Variants in RCOR1 observed in about 807,000 individuals in gnomAD.
RCOR1 encodes the protein REST corepressor 1, also known as REST corepressor.
Under a neutral mutation model 64.0 loss-of-function variants are expected in RCOR1, and 12 were observed. The ratio of observed to expected loss-of-function variants is 0.19; its 90% CI spans 0.12 to 0.30. The LOEUF (loss-of-function observed/expected upper bound fraction) is 0.30. Ranked by LOEUF, RCOR1 falls within the 10% of genes least tolerant of loss-of-function variation. The probability of loss-of-function intolerance (pLI) is 1.00; values close to 1 mark genes in which losing one functional copy is unlikely to be tolerated. For synonymous variants in RCOR1, 279 were observed against 227.2 expected (o/e 1.23, Z -2.05); for missense variants, 502 against 621.2 (o/e 0.81, Z 2.04).
intron 3 of RCOR1, among the ~76,000 whole-genome samples, chr14:102,685,215 A>T (rs1398574364): frequency 6.6e-6 from 1 of 152,166 alleles, no homozygotes; most frequent in African/African-American, 2.4e-5. Flanking sequence ...AATGCATAAT[A>T]TATAATTGTT....
chr14:102,681,262 A>G (rs1275843491), intron 2 of RCOR1, among the ~76,000 whole-genome samples: 2 of 152,192 alleles, frequency 1.3e-5, no homozygotes, highest in African/African-American at 4.8e-5. Context: ...TCTGGGCCTA[A>G]CCAGTGTGAA....
intron 2 of RCOR1, among the ~76,000 whole-genome samples, chr14:102,675,432 T>A (rs1358096420): frequency 6.6e-6 from 1 of 152,180 alleles, no homozygotes; most frequent in Non-Finnish European, 1.5e-5. Context: ...TGAACAATTA[T>A]AACAATATGC....
In RCOR1 at chr14:102,674,505, A is replaced by G. The variant is rs564560582; in HGVS notation, c.362-7390A>G. On this transcript the variant is annotated intron_variant, in intron 2 of 11. Transcript: ENST00000262241. ...ATGCTGATTAGGAACCCAAAATTCA[A>G]TGTGAGTAGATCTGACCAGCAATTT... 4.6e-5 allele frequency among the ~76,000 whole-genome samples: 7 copies of G among 152,290 alleles called. No individual in the cohort carries two copies. In the South Asian group the frequency reaches 1.2e-3, roughly 27 times the overall value.
intron 3 of RCOR1, among the ~76,000 whole-genome samples, chr14:102,692,675 T>C (rs1056904068): frequency 1.3e-5 from 2 of 151,952 alleles, no homozygotes; most frequent in Admixed American, 1.3e-4. Flanking sequence ...CTGAATAATA[T>C]CACATCTTGT....
intron 2 of RCOR1, among the ~76,000 whole-genome samples, chr14:102,664,497 C>T (rs945839214): frequency 2.0e-5 from 3 of 152,162 alleles, no homozygotes; most frequent in Non-Finnish European, 2.9e-5. Flanking sequence ...AAATAACCTT[C>T]CCATGGGAAT....
chr14:102,634,125 T>A (rs1305644824), intron 2 of RCOR1, among the ~76,000 whole-genome samples: 1 of 152,098 alleles, frequency 6.6e-6, no homozygotes, highest in African/African-American at 2.4e-5. Context: ...TTGATACAAT[T>A]CTCTGTCTTG....
chr14:102,607,726 A>G (rs1893542448), intron 2 of RCOR1, among the ~76,000 whole-genome samples: 1 of 152,190 alleles, frequency 6.6e-6, no homozygotes, highest in African/African-American at 2.4e-5. Flanking sequence ...TACTAAAAGT[A>G]TAAAAATTAG....
chr14:102,603,672 G>A (rs1893448373), intron 2 of RCOR1, among the ~76,000 whole-genome samples: 1 of 151,920 alleles, frequency 6.6e-6, no homozygotes, highest in Non-Finnish European at 1.5e-5. Context: ...CCAGGCTGGA[G>A]TGCGGTGGCT....
intron 2 of RCOR1, among the ~76,000 whole-genome samples, chr14:102,661,068 C>T (rs1358950289): frequency 6.6e-6 from 1 of 152,140 alleles, no homozygotes; most frequent in Non-Finnish European, 1.5e-5. Flanking sequence ...AGTTATAGGC[C>T]AGGTGCCATG....
intron 4 of RCOR1, among the ~76,000 whole-genome samples, chr14:102,702,880 T>C (rs1391553328): frequency 1.3e-5 from 2 of 152,168 alleles, no homozygotes; most frequent in Non-Finnish European, 2.9e-5. Flanking sequence ...CAACAGAAAC[T>C]GTCCCTGGGA....
At chr14:102,617,812 A>C (rs1439390717) in intron 2 of RCOR1, among the ~76,000 whole-genome samples, 2 of 150,618 alleles carry the variant, frequency 1.3e-5, no homozygotes, top group Non-Finnish European at 3.0e-5. Flanking sequence ...CTGGTCTCGA[A>C]CTCCTGACCT....
chr14:102,715,229 C>T (rs1193357319), intron 8 of RCOR1, among the ~76,000 whole-genome samples: 1 of 151,882 alleles, frequency 6.6e-6, no homozygotes, highest in African/African-American at 2.4e-5. Flanking sequence ...CCACCACGCC[C>T]AGCTAATTGT....
chr14:102,651,973 T>G (rs1044674392), intron 2 of RCOR1, among the ~76,000 whole-genome samples: 2 of 152,244 alleles, frequency 1.3e-5, no homozygotes, highest in African/African-American at 4.8e-5. Context: ...GAACTTACAC[T>G]GGAGGATCTT....
At chr14:102,701,028 A>G (rs551615813) in intron 3 of RCOR1, among the ~76,000 whole-genome samples, 1 of 152,350 alleles carries the variant, frequency 6.6e-6, no homozygotes, top group South Asian at 2.1e-4. Context: ...TAAAACCATC[A>G]GATCTTGTGA....
chr14:102,618,222 C>G (rs1180269658), intron 2 of RCOR1, among the ~76,000 whole-genome samples: 1 of 152,024 alleles, frequency 6.6e-6, no homozygotes, highest in African/African-American at 2.4e-5. Context: ...TGGATCCCCC[C>G]TGCCTCGGCC....
At chr14:102,613,885 C>CTTTTTTTT (rs71119719) in intron 2 of RCOR1, among the ~76,000 whole-genome samples, 31 of 55,494 alleles carry the variant, frequency 5.6e-4, no homozygotes, top group African/African-American at 2.0e-3. Flanking sequence ...ATTAACTATT[C>CTTTTTTTT]TTTTTTTTTT....
chr14:102,681,856 T>A, intron 2 of RCOR1, 39 bp from the exon 3 acceptor site: 1 of 1,452,654 alleles, frequency 6.9e-7, no homozygotes, highest in South Asian at 1.2e-5. Context: ...TTATATGTGT[T>A]AAATTTTAAT....
chr14:102,678,301 TTTTG>T lies in RCOR1; in HGVS notation c.362-3582_362-3579del, dbSNP rs201739268. Among the ~76,000 whole-genome samples the T allele has an allele frequency of 1.6e-3, 241 of 152,082 alleles. 4 individuals carry two copies. The East Asian group carries it at 0.036, about 23-fold the overall frequency. ...GCTGCCTATGTGTGCAGGTGCTTTT[TTTTG>T]TTTGTTTGTTTTGAGGTGGTGTCTC... On this transcript the variant is annotated intron_variant, in intron 2 of 11. Transcript: ENST00000262241.
chr14:102,697,284 A>G (rs1332645683), intron 3 of RCOR1, among the ~76,000 whole-genome samples: 3 of 152,218 alleles, frequency 2.0e-5, no homozygotes, highest in African/African-American at 4.8e-5. Context: ...GTTGCTAAAG[A>G]TAACATAGTC....
Sources: gnomAD v4.1 joint callset for allele counts (sites outside exome capture counted in the v4.1 genomes callset) on GRCh38, gnomAD v4.1.1 for gene constraint, MANE v1.5 for transcripts, NCBI Gene and HGNC (gene_info 2026-07-23, HGNC 2026-07-21) for gene names.